CKAP5: variants seen among roughly 807,000 people sequenced by gnomAD.
CKAP5 encodes cytoskeleton associated protein 5.
In CKAP5, 27 loss-of-function variants were observed where a neutral mutation model predicts 232.8. That is an observed-to-expected ratio of 0.12 (90% CI 0.09 to 0.16). The LOEUF is 0.16. Ranked by LOEUF, CKAP5 falls within the 10% of genes least tolerant of loss-of-function variation. CKAP5 has a pLI of 1.00. For missense variants in CKAP5, 1,838 were observed against 2,424.7 expected, an observed-to-expected ratio of 0.76 and a Z score of 5.08; for synonymous variants, 785 against 841.1, an observed-to-expected ratio of 0.93 and a Z score of 1.16.
intron 1 of CKAP5, among the ~76,000 whole-genome samples, chr11:46,823,542 T>C (rs557407316): frequency 1.3e-5 from 2 of 152,314 alleles, no homozygotes; most frequent in African/African-American, 4.8e-5. Context: ...TTTACAAATG[T>C]ACCATAATTA....
intron 25 of CKAP5, 199 bp from the exon 26 acceptor site, chr11:46,770,297 G>C: frequency 1.7e-6 from 1 of 602,468 alleles, no homozygotes; most frequent in Non-Finnish European, 2.9e-6. Flanking sequence ...ATTCTAGAAG[G>C]TCACAGTTTT....
rs750738267 is a variant in CKAP5, at chr11:46,780,329, A to G, written c.2308-10T>C. On this transcript the variant is annotated splice_polypyrimidine_tract_variant and intron_variant, in intron 19 of 43. Transcript: ENST00000529230. ...CAGCAGTCCTCACAGCCTGCCAGACAGAAGAAAAATAACTTTTTAAATCAC... is the reference window on the plus strand; with the variant it reads ...CAGCAGTCCTCACAGCCTGCCAGACGGAAGAAAAATAACTTTTTAAATCAC... The G allele has an allele frequency of 5.7e-5, 92 of 1,613,762 alleles. 1 individual carries two copies. In the Admixed American group the frequency reaches 1.5e-3, roughly 25 times the overall value.
chr11:46,780,460 T>C lies in CKAP5; in HGVS notation c.2275A>G (p.Asn759Asp). 6.2e-7 allele frequency: 1 copy of C among 1,613,916 alleles called. No homozygotes were observed. Among genetic ancestry groups the C allele is most frequent in the Non-Finnish European group, 8.5e-7 (1 of 1,179,900 alleles). Residue 759 changes from asparagine to aspartate, a missense_variant, in exon 19 of 44, where the codon AAT (asparagine) becomes GAT (aspartate). Transcript: ENST00000529230. ...SGLNVKAFIS[N>D]VKTALAATNP... ...GTTGCAGCAAGAGCTGTCTTCACAT[T>C]GCTAATGAAAGCTTTGACATTCAAC...
At position 46,760,731 on chromosome 11, in the gene CKAP5, C is replaced by T; in HGVS notation, c.4275G>A (p.Lys1425=). 1.2e-6 allele frequency: 2 copies of T among 1,614,224 alleles called. No individual in the cohort carries two copies. The highest frequency in any genetic ancestry group is 1.7e-6 in the Non-Finnish European group (2 of 1,180,034). ...GTTTTATTGGTGCAGCAGAGGGTCT[C>T]TTTGCTGACCGCTTAATCCTCTCCT... is the stretch of plus-strand genomic sequence containing the variant. ...MLEERIKRSA[K]RPSAAPIKQV... is the part of the protein sequence containing the mutation. The change falls in exon 33 of 44, where the codon AAG becomes AAA. Residue 1425 remains lysine (K), a synonymous_variant. Transcript: ENST00000529230.
At chr11:46,765,107 T>C in intron 28 of CKAP5, 24 bp downstream of exon 28, 1 of 1,598,912 alleles carries the variant, frequency 6.3e-7, no homozygotes, top group Non-Finnish European at 8.5e-7. Flanking sequence ...AAAAATCTCC[T>C]GACGATTCTT....
intron 30 of CKAP5, 51 bp downstream of exon 30, chr11:46,762,925 G>C: frequency 6.5e-7 from 1 of 1,527,642 alleles, no homozygotes. Context: ...TACAGAAACT[G>C]AGGTCAGCTG....
Position 46,801,216 on chromosome 11 carries a change from C to A in CKAP5, c.1067G>T (p.Gly356Val). Residue 356 changes from glycine (G) to valine (V), a missense_variant, in exon 9 of 44, where the codon GGA becomes GTA. Gly to Val is a moderately radical substitution (Grantham distance 109). This residue lies in a region of CKAP5 where 97 missense variants were observed against 167.7 expected (regional missense o/e 0.58). Transcript: ENST00000529230. Reference protein sequence around the residue: ...GLAVGLRKKFGQYAGHVVPTI... With the variant: ...GLAVGLRKKFVQYAGHVVPTI... ...GTTACTTACATGTCCTGCATATTGT[C>A]CAAATTTCTTCCTTAGCCCAACAGC... 6.2e-7 allele frequency: 1 copy of A among 1,613,062 alleles called. No homozygotes were observed. Among genetic ancestry groups the A allele is most frequent in the South Asian group, 1.1e-5 (1 of 91,054 alleles).
At chr11:46,781,870 G>A in intron 18 of CKAP5, among the ~76,000 whole-genome samples, 1 of 152,106 alleles carries the variant, frequency 6.6e-6, no homozygotes, top group Non-Finnish European at 1.5e-5. Context: ...TTGTTGCCGA[G>A]GCTGGAGAGC....
In CKAP5 at chr11:46,743,968, AG is replaced by A; in HGVS notation, c.*54del. 1 of 1,609,098 alleles carries A rather than the reference AG, an allele frequency of 6.2e-7. No individual in the cohort carries two copies. The highest frequency in any genetic ancestry group is 1.3e-5 in the African/African-American group (1 of 74,748). ...CCTGCTGAGGCCATTTTAAACTATGAGGACTTCTAGTTTAGTAAACTAAAGC... is the reference window on the plus strand; with the variant it reads ...CCTGCTGAGGCCATTTTAAACTATGAGACTTCTAGTTTAGTAAACTAAAGC... On this transcript the variant is annotated 3_prime_UTR_variant, in exon 44 of 44. Coordinates refer to ENST00000529230, the MANE Select transcript of CKAP5 (RefSeq NM_001008938.4).
chr11:46,772,230 T>C (rs928027521), intron 24 of CKAP5, among the ~76,000 whole-genome samples: 1 of 152,130 alleles, frequency 6.6e-6, no homozygotes, highest in Non-Finnish European at 1.5e-5. Context: ...GATACTGGCT[T>C]ACAAATCTTT....
chr11:46,747,965 CAGG>C (rs2065034488), intron 42 of CKAP5, among the ~76,000 whole-genome samples: 2 of 151,926 alleles, frequency 1.3e-5, no homozygotes. Flanking sequence ...GAGGCTGAGG[CAGG>C]AGGACTGCTT....
chr11:46,790,364 A>C, intron 14 of CKAP5, 106 bp downstream of exon 14: 1 of 912,216 alleles, frequency 1.1e-6, no homozygotes, highest in Non-Finnish European at 1.7e-6. Flanking sequence ...AAGCTAAAAA[A>C]TATCAATTAA....
At chr11:46,783,617 G>A (rs1176767659) in intron 17 of CKAP5, among the ~76,000 whole-genome samples, 2 of 147,192 alleles carry the variant, frequency 1.4e-5, no homozygotes, top group Admixed American at 1.4e-4. Context: ...TTTTTTTAGA[G>A]ACAGGGTCTT....
At chr11:46,814,971 C>T (rs1384768461) in intron 4 of CKAP5, among the ~76,000 whole-genome samples, 2 of 152,082 alleles carry the variant, frequency 1.3e-5, no homozygotes, top group African/African-American at 4.8e-5. Context: ...GCTTAAATAC[C>T]CTGAGGAGTA....
chr11:46,754,772 TA>T, intron 36 of CKAP5, 115 bp downstream of exon 36: 1 of 835,740 alleles, frequency 1.2e-6, no homozygotes, highest in South Asian at 1.8e-5. Flanking sequence ...ACAATGCATG[TA>T]AAATTCTACC....
rs149600938 is a variant in CKAP5, at chr11:46,823,276, T to C, written c.-37-2008A>G. Among the ~76,000 whole-genome samples, 935 of 152,252 alleles carry C rather than the reference T, an allele frequency of 6.1e-3. 5 individuals carry two copies. The highest frequency in any genetic ancestry group is 0.011 in the Non-Finnish European group (758 of 68,010). ...CTATCTAGACAACACCTTTTTCTTATAAAAGTAATGTGTGTAAACTGCAGA... is the reference window on the plus strand; with the variant it reads ...CTATCTAGACAACACCTTTTTCTTACAAAAGTAATGTGTGTAAACTGCAGA... On this transcript the variant is annotated intron_variant, in intron 1 of 43. Coordinates refer to ENST00000529230, the MANE Select transcript of CKAP5 (RefSeq NM_001008938.4).
Position 46,796,828 on chromosome 11 carries a change from T to C in CKAP5, c.1451A>G (p.Lys484Arg), listed in dbSNP as rs1938888077. 1 of 1,613,988 alleles carries C rather than the reference T, an allele frequency of 6.2e-7. No individual in the cohort carries two copies. The highest frequency in any genetic ancestry group is 8.5e-7 in the Non-Finnish European group (1 of 1,179,886). Residue 484 changes from lysine to arginine, a missense_variant, in exon 12 of 44, where the codon AAA becomes AGA. This residue lies in a region of CKAP5 where 767 missense variants were observed against 954.6 expected (regional missense o/e 0.80). Transcript: ENST00000529230. ...CTAACCTACCTTATCAAGCTTGAGT[T>C]TGTCCACATCAGCTAGGAATGGGTT... The part of the protein sequence containing the change: ...AVNPFLADVD[K>R]LKLDKIKECS...
At chr11:46,787,509 G>C (rs922064297) in intron 16 of CKAP5, among the ~76,000 whole-genome samples, 1 of 152,014 alleles carries the variant, frequency 6.6e-6, no homozygotes, top group African/African-American at 2.4e-5. Context: ...CTAATAACTT[G>C]GTACTGCTAA....
At chr11:46,795,443 G>T in intron 13 of CKAP5, 151 bp downstream of exon 13, 1 of 582,776 alleles carries the variant, frequency 1.7e-6, no homozygotes, top group Non-Finnish European at 2.9e-6. Flanking sequence ...TTTATTGCTG[G>T]AATATCCTAT....
Sources: allele counts gnomAD v4.1 joint callset (sites outside exome capture counted in the v4.1 genomes callset), GRCh38; gene constraint gnomAD v4.1.1; regional missense constraint gnomAD v4.1.1; transcripts MANE v1.5; gene names NCBI Gene and HGNC (gene_info 2026-07-23, HGNC 2026-07-21).